TERB1: variants seen among roughly 807,000 people sequenced by gnomAD.
TERB1 encodes telomere repeats-binding bouquet formation protein 1.
TERB1 carries 63 observed loss-of-function variants against 92.3 expected under a neutral mutation model. The observed-to-expected ratio is 0.68, with a 90% CI of 0.56 to 0.84. The LOEUF is 0.84. Among genes scored for constraint, TERB1 ranks in the 40% least tolerant of loss-of-function variants. TERB1 has a pLI of 0.00. For synonymous variants in TERB1, 252 were observed against 283.9 expected (o/e 0.89, Z 1.13); for missense variants, 709 against 843.7 (o/e 0.84, Z 1.98).
intron 15 of TERB1, 32 bp downstream of exon 15, chr16:66,768,072 T>C (rs2018380537): frequency 9.3e-6 from 14 of 1,505,458 alleles, no homozygotes; most frequent in Non-Finnish European, 1.3e-5. Context: ...ATCTGTTTTA[T>C]TAAAAAACCA....
At position 66,777,202 on chromosome 16, in the gene TERB1, C is replaced by T; in HGVS notation, c.985+1G>A. On this transcript the variant is annotated splice_donor_variant, in intron 11 of 18. Coordinates refer to ENST00000433154, the MANE Select transcript of TERB1 (RefSeq NM_001136505.2). LOFTEE classifies it high-confidence loss of function. Reference sequence around the variant, plus strand: ...CCACACTCAATAAATCCAATACTTACCACAATCCTCTGTGCAATGACCAAG... The same window carrying T: ...CCACACTCAATAAATCCAATACTTATCACAATCCTCTGTGCAATGACCAAG... The T allele has an allele frequency of 6.5e-7, 1 of 1,546,048 alleles. No individual in the cohort carries two copies. Among genetic ancestry groups the T allele is most frequent in the African/African-American group, 1.4e-5 (1 of 72,876 alleles).
rs1200570648 is a variant in TERB1 at position 66,777,145 on chromosome 16, A to G, written c.985+58T>C. On this transcript the variant is annotated intron_variant, in intron 11 of 18. Transcript: ENST00000433154. ...ACATAACTGGAAGAAAAAAAAAAACAGAAGTATATTTCCGCTTTACTATTT... is the reference window on the plus strand; with the variant it reads ...ACATAACTGGAAGAAAAAAAAAAACGGAAGTATATTTCCGCTTTACTATTT... 4.9e-6 allele frequency: 7 copies of G among 1,423,836 alleles called. No homozygotes were observed. The East Asian group carries it at 7.5e-5, about 15-fold the overall frequency. 88.2% of individuals were successfully genotyped at this position (1,423,836 alleles called of 1,614,324 possible).
intron 2 of TERB1, among the ~76,000 whole-genome samples, chr16:66,800,431 C>T (rs1177017535): frequency 3.0e-5 from 4 of 134,228 alleles, no homozygotes; most frequent in Admixed American, 1.6e-4. Context: ...GGCTCTGTCG[C>T]CCAGGCTGGA....
At position 66,778,867 on chromosome 16, in the gene TERB1, A is replaced by T; in HGVS notation, c.849T>A (p.Asp283Glu). The T allele has an allele frequency of 6.7e-7, 1 of 1,489,838 alleles. No homozygotes were observed. The highest frequency in any genetic ancestry group is 9.0e-7 in the Non-Finnish European group (1 of 1,106,966). The allele number at this position is 1,489,838 out of a possible 1,614,324, so 92.3% of individuals were successfully genotyped here. Reference protein sequence around the residue: ...VTKTVDACIADNPTFGIVLSK... With the variant: ...VTKTVDACIAENPTFGIVLSK... ...CTAGTAAGCACTGTCACTCACGATT[A>T]TCAGCAATGCATGCATCCACAGTCT... The change falls in exon 10 of 19, where the codon GAT becomes GAA. Residue 283 changes from aspartate (D) to glutamate (E), a missense_variant. Coordinates refer to ENST00000433154, the MANE Select transcript of TERB1 (RefSeq NM_001136505.2).
In TERB1 at chr16:66,754,879, A is replaced by G. The variant is rs1304323212; in HGVS notation, c.*97T>C. ...ATGAAAACTGTATCCTCATTTCCAC[A>G]TTCCTTCTCATGAGAGTTTAGAAAA... On this transcript the variant is annotated 3_prime_UTR_variant, in exon 19 of 19. Coordinates refer to ENST00000433154, the MANE Select transcript of TERB1 (RefSeq NM_001136505.2). The G allele has an allele frequency of 7.1e-6, 8 of 1,120,236 alleles. No homozygotes were observed. The Admixed American group carries it at 2.3e-4, about 32-fold the overall frequency. The allele number at this position is 1,120,236 out of a possible 1,614,324, so 69.4% of individuals were successfully genotyped here.
chr16:66,759,402 A>G (rs2018192148), intron 16 of TERB1, 112 bp from the exon 17 acceptor site: 1 of 814,608 alleles, frequency 1.2e-6, no homozygotes, highest in South Asian at 2.0e-5. Flanking sequence ...GGAACTATAA[A>G]CACCTCAAGA....
intron 9 of TERB1, among the ~76,000 whole-genome samples, chr16:66,780,970 CT>C (rs950318730): frequency 6.6e-6 from 1 of 151,500 alleles, no homozygotes; most frequent in Non-Finnish European, 1.5e-5. Flanking sequence ...AACATGACCA[CT>C]TTTTAACATG....
chr16:66,761,477 GA>G (rs1183731883), intron 16 of TERB1, among the ~76,000 whole-genome samples: 1 of 141,214 alleles, frequency 7.1e-6, no homozygotes, highest in Non-Finnish European at 1.5e-5. Context: ...AAGAAAGAAA[GA>G]AAGAAAAGAA....
intron 16 of TERB1, among the ~76,000 whole-genome samples, chr16:66,763,297 G>T (rs1413956969): frequency 1.3e-5 from 2 of 152,128 alleles, no homozygotes; most frequent in South Asian, 2.1e-4. Flanking sequence ...ATATGTCAAG[G>T]TGCTTTTAAT....
intron 9 of TERB1, among the ~76,000 whole-genome samples, chr16:66,783,329 T>C (rs775355025): frequency 9.9e-5 from 15 of 152,254 alleles, no homozygotes; most frequent in Non-Finnish European, 1.9e-4. Context: ...CCTGCATCTA[T>C]TGAAATTATC....
chr16:66,768,217 T>G (rs1355218147), intron 14 of TERB1, 49 bp from the exon 15 acceptor site: 1 of 1,348,880 alleles, frequency 7.4e-7, no homozygotes, highest in Non-Finnish European at 1.0e-6. Flanking sequence ...TACTGTTTGG[T>G]GTGCGGACCA....
rs1192120143 is a variant in TERB1 at position 66,772,639 on chromosome 16, C to T, written c.1222G>A (p.Ala408Thr). Residue 408 changes from alanine (A) to threonine (T), a missense_variant, in exon 13 of 19, where the codon GCA (alanine) becomes ACA (threonine). Ala to Thr is a moderately conservative substitution (Grantham distance 58). Coordinates refer to ENST00000433154, the MANE Select transcript of TERB1 (RefSeq NM_001136505.2). The stretch of plus-strand genomic sequence containing the variant: ...TCTATTCTGTGTAGAATTTCCTTTG[C>T]TTTCCTCCAGTGCTCTTCAAGATTA... ...ENNLEEHWRKAKEILHRIEQL... is the reference protein window; with the variant it reads ...ENNLEEHWRKTKEILHRIEQL... 6.4e-7 allele frequency: 1 copy of T among 1,551,612 alleles called. No individual in the cohort carries two copies. Among genetic ancestry groups the T allele is most frequent in the Non-Finnish European group, 8.7e-7 (1 of 1,146,834 alleles).
At position 66,772,612 on chromosome 16, in the gene TERB1, GTTCTA is replaced by G; in HGVS notation, c.1244_1248del (p.Ile415ThrfsTer3). On this transcript the variant is annotated frameshift_variant, in exon 13 of 19. Coordinates refer to ENST00000433154, the MANE Select transcript of TERB1 (RefSeq NM_001136505.2). LOFTEE classifies it high-confidence loss of function. ...ACCTCATTTCCTTCTCTTTCAAGCT[GTTCTA>G]TTCTGTGTAGAATTTCCTTTGCTTT... The G allele has an allele frequency of 1.3e-6, 2 of 1,551,192 alleles. No individual in the cohort carries two copies. Among genetic ancestry groups the G allele is most frequent in the Non-Finnish European group, 1.7e-6 (2 of 1,146,752 alleles).
At chr16:66,764,002 T>C (rs1321322605) in intron 16 of TERB1, among the ~76,000 whole-genome samples, 1 of 151,860 alleles carries the variant, frequency 6.6e-6, no homozygotes, top group Non-Finnish European at 1.5e-5. Context: ...TACAGAGAAG[T>C]ATGGGAGAAA....
Position 66,759,256 on chromosome 16 carries a change from T to G in TERB1, c.1815A>C (p.Arg605=), listed in dbSNP as rs2018189025. Residue 605 remains arginine, a synonymous_variant, in exon 17 of 19, where the codon CGA becomes CGC. Coordinates refer to ENST00000433154, the MANE Select transcript of TERB1 (RefSeq NM_001136505.2). ...AAGAGTGCAAGAGCTTGCTAAAGTT[T>G]CGGCTATTCAGGGATTTTTCTACTG... is the stretch of plus-strand genomic sequence containing the variant. The part of the protein sequence containing the change: ...CIAVEKSLNS[R]NFSKLLHSCP... The G allele has an allele frequency of 6.5e-7, 1 of 1,545,112 alleles. No homozygotes were observed. Among genetic ancestry groups the G allele is most frequent in the African/African-American group, 1.4e-5 (1 of 72,774 alleles).
intron 9 of TERB1, among the ~76,000 whole-genome samples, chr16:66,784,625 A>AC (rs1240624328): frequency 6.6e-6 from 1 of 151,132 alleles, no homozygotes; most frequent in African/African-American, 2.4e-5. Context: ...GAGCTACCAC[A>AC]CCCAGCCAGA....
intron 18 of TERB1, among the ~76,000 whole-genome samples, chr16:66,756,193 G>C (rs1294602260): frequency 2.0e-5 from 3 of 152,202 alleles, no homozygotes; most frequent in Non-Finnish European, 4.4e-5. Context: ...AGTTGAGGCT[G>C]TTATTTACTT....
chr16:66,770,352 C>A, intron 13 of TERB1, 43 bp from the exon 14 acceptor site: 1 of 1,212,360 alleles, frequency 8.2e-7, no homozygotes, highest in South Asian at 1.6e-5. Flanking sequence ...TAATCCATTC[C>A]CTTTATAATC....
intron 9 of TERB1, among the ~76,000 whole-genome samples, chr16:66,781,756 G>A (rs776456497): frequency 9.2e-5 from 14 of 152,036 alleles, no homozygotes; most frequent in Admixed American, 2.6e-4. Context: ...TCCTGACCTC[G>A]TGATCCGCCT....
Sources: allele counts gnomAD v4.1 joint callset (sites outside exome capture counted in the v4.1 genomes callset), GRCh38; gene constraint gnomAD v4.1.1; transcripts MANE v1.5; gene names NCBI Gene and HGNC (gene_info 2026-07-23, HGNC 2026-07-21).